FUT8: variants seen among roughly 807,000 people sequenced by gnomAD.
FUT8 encodes alpha-(1,6)-fucosyltransferase.
In FUT8, 29 loss-of-function variants were observed where a neutral mutation model predicts 71.3. The ratio of observed to expected loss-of-function variants is 0.41; its 90% CI spans 0.30 to 0.55. The LOEUF is 0.55. Ranked by LOEUF, FUT8 falls within the 20% of genes least tolerant of loss-of-function variation. The pLI is 0.34. For synonymous variants in FUT8, 254 were observed against 239.3 expected (o/e 1.06, Z -0.57); for missense variants, 544 against 702.1 (o/e 0.77, Z 2.55).
At chr14:65,692,534 G>A (rs1228202731) in intron 7 of FUT8, among the ~76,000 whole-genome samples, 1 of 142,990 alleles carries the variant, frequency 7.0e-6, no homozygotes, top group Non-Finnish European at 1.5e-5. Context: ...CCTCCCGGAC[G>A]GGGCGGCTGG....
At chr14:65,702,875 T>A (rs2140487807) in intron 7 of FUT8, among the ~76,000 whole-genome samples, 1 of 152,226 alleles carries the variant, frequency 6.6e-6, no homozygotes, top group African/African-American at 2.4e-5. Flanking sequence ...GCCTCCCAAG[T>A]AGCTGGGACT....
At chr14:65,628,654 A>C (rs990740636) in intron 5 of FUT8, among the ~76,000 whole-genome samples, 3 of 152,208 alleles carry the variant, frequency 2.0e-5, no homozygotes, top group African/African-American at 7.2e-5. Context: ...ATATAAATAA[A>C]ACCATTTGTA....
At chr14:65,738,387 GA>G (rs1218855200) in intron 10 of FUT8, among the ~76,000 whole-genome samples, 1 of 152,012 alleles carries the variant, frequency 6.6e-6, no homozygotes. Flanking sequence ...TCTAAGGGAT[GA>G]AATTCAGACT....
intron 2 of FUT8, among the ~76,000 whole-genome samples, chr14:65,558,405 A>G (rs1000181051): frequency 7.9e-5 from 12 of 151,944 alleles, no homozygotes. Context: ...TATAAGATAT[A>G]TGTTGACAAT....
the FUT8 span, among the ~76,000 whole-genome samples, chr14:65,385,548 C>T: frequency 6.6e-6 from 1 of 150,978 alleles, no homozygotes; most frequent in East Asian, 2.1e-4. Flanking sequence ...GGTTTTGACT[C>T]ACATTTGATT....
At chr14:65,674,027 AC>A (rs1892599322) in intron 7 of FUT8, among the ~76,000 whole-genome samples, 1 of 152,178 alleles carries the variant, frequency 6.6e-6, no homozygotes, top group African/African-American at 2.4e-5. Context: ...AAATATTCTA[AC>A]CAAGTTGTAT....
intron 8 of FUT8, among the ~76,000 whole-genome samples, chr14:65,723,005 T>C (rs1347602020): frequency 6.6e-6 from 1 of 152,162 alleles, no homozygotes; most frequent in Non-Finnish European, 1.5e-5. Flanking sequence ...TAAACTGTTA[T>C]TTTTATTTCC....
intron 2 of FUT8, among the ~76,000 whole-genome samples, chr14:65,553,513 T>C (rs1395248856): frequency 6.6e-6 from 1 of 152,156 alleles, no homozygotes; most frequent in Non-Finnish European, 1.5e-5. Context: ...TATTTTTGTG[T>C]GTGCAGATCT....
At chr14:65,582,004 T>A (rs1289835716) in intron 3 of FUT8, among the ~76,000 whole-genome samples, 1 of 152,186 alleles carries the variant, frequency 6.6e-6, no homozygotes, top group African/African-American at 2.4e-5. Context: ...ATGAGACCAT[T>A]AGAATCTTGT....
intron 3 of FUT8, among the ~76,000 whole-genome samples, chr14:65,602,914 T>C (rs1462470764): frequency 6.6e-6 from 1 of 151,954 alleles, no homozygotes; most frequent in Non-Finnish European, 1.5e-5. Context: ...TTTGTCAGAT[T>C]CATAGTTTGC....
At chr14:65,367,401 C>A in the FUT8 span, among the ~76,000 whole-genome samples, 1 of 152,124 alleles carries the variant, frequency 6.6e-6, no homozygotes, top group African/African-American at 2.4e-5. Flanking sequence ...TCTAGCAGGG[C>A]AGGAGATTGA....
chr14:65,551,558 A>T (rs1885284253), intron 2 of FUT8, among the ~76,000 whole-genome samples: 1 of 152,206 alleles, frequency 6.6e-6, no homozygotes, highest in Non-Finnish European at 1.5e-5. Context: ...CTACAAACAC[A>T]CAAATTAGTG....
chr14:65,639,892 A>C (rs1409938354), intron 6 of FUT8, among the ~76,000 whole-genome samples: 1 of 152,166 alleles, frequency 6.6e-6, no homozygotes, highest in East Asian at 1.9e-4. Flanking sequence ...ACGTAACTAC[A>C]TTCTATTTTA....
At chr14:65,436,939 C>T (rs1211235659) in intron 1 of FUT8, among the ~76,000 whole-genome samples, 1 of 152,188 alleles carries the variant, frequency 6.6e-6, no homozygotes, top group African/African-American at 2.4e-5. Flanking sequence ...GGAGCTAGTT[C>T]TGAAGAAATG....
chr14:65,726,340 T>C (rs1032313240), intron 9 of FUT8, among the ~76,000 whole-genome samples: 3 of 152,204 alleles, frequency 2.0e-5, no homozygotes, highest in African/African-American at 7.2e-5. Context: ...ATTAGTTCAT[T>C]TTCACACTGC....
At chr14:65,563,631 G>A (rs1886034510) in intron 3 of FUT8, among the ~76,000 whole-genome samples, 3 of 151,792 alleles carry the variant, frequency 2.0e-5, no homozygotes, top group Non-Finnish European at 2.9e-5. Flanking sequence ...CTATATCATG[G>A]GAATTTTGCT....
At chr14:65,740,631 G>A (rs528782481) in intron 10 of FUT8, among the ~76,000 whole-genome samples, 20 of 152,082 alleles carry the variant, frequency 1.3e-4, no homozygotes, top group Admixed American at 1.0e-3. Flanking sequence ...GAAGGCAAAC[G>A]GGGAGCCAGC....
chr14:65,485,373 A>T (rs978819755), intron 2 of FUT8, among the ~76,000 whole-genome samples: 1 of 152,068 alleles, frequency 6.6e-6, no homozygotes, highest in African/African-American at 2.4e-5. Context: ...TGTTCCGGAT[A>T]TGTAGTTATT....
At chr14:65,555,993 G>A (rs1203990526) in intron 2 of FUT8, among the ~76,000 whole-genome samples, 2 of 152,178 alleles carry the variant, frequency 1.3e-5, no homozygotes, top group Non-Finnish European at 2.9e-5. Context: ...ATGTGATTAA[G>A]ACTCAGTTCT....
Sources: gnomAD v4.1 joint callset for allele counts (sites outside exome capture counted in the v4.1 genomes callset) on GRCh38, gnomAD v4.1.1 for gene constraint, MANE v1.5 for transcripts, NCBI Gene and HGNC (gene_info 2026-07-23, HGNC 2026-07-21) for gene names.